GLRX3: variants seen among roughly 807,000 people sequenced by gnomAD.
GLRX3 encodes glutaredoxin-3.
In GLRX3, 22 loss-of-function variants were observed where a neutral mutation model predicts 49.5. The ratio of observed to expected loss-of-function variants is 0.44; its 90% confidence interval spans 0.32 to 0.63. GLRX3 has a LOEUF of 0.63. Ranked by LOEUF, GLRX3 falls within the 30% of genes least tolerant of loss-of-function variation. The pLI, the probability that GLRX3 is intolerant of heterozygous loss-of-function variation, is 0.05. For missense variants in GLRX3, 385 were observed against 396.3 expected (o/e 0.97, Z 0.24); for synonymous variants, 133 against 140.0 (o/e 0.95, Z 0.35).
rs145499745 is a variant in GLRX3 at position 130,155,858 on chromosome 10, C to T, written c.202-4137C>T. On this transcript the variant is annotated intron_variant, in intron 2 of 10. Coordinates refer to ENST00000331244, the MANE Select transcript of GLRX3 (RefSeq NM_006541.5). ...CAGGGGCTGCCAGAGATGACAGAAA[C>T]GGACACTGAGTTTGAGCATTTAGGG... Among the ~76,000 whole-genome samples the T allele has an allele frequency of 3.1e-3, 470 of 152,228 alleles. 3 individuals carry two copies. Among genetic ancestry groups the T allele is most frequent in the African/African-American group, 9.8e-3 (407 of 41,520 alleles).
intron 4 of GLRX3, among the ~76,000 whole-genome samples, chr10:130,164,751 CCAAT>C (rs1382242107): frequency 6.6e-6 from 1 of 152,224 alleles, no homozygotes; most frequent in African/African-American, 2.4e-5. Context: ...TGAAACACTA[CCAAT>C]CAATCTTTCT....
At chr10:130,153,671 C>T (rs1056685770) in intron 2 of GLRX3, among the ~76,000 whole-genome samples, 6 of 152,160 alleles carry the variant, frequency 3.9e-5, no homozygotes, top group Admixed American at 2.0e-4. Context: ...CCTCTGGAAG[C>T]TTCGTTCCAG....
chr10:130,176,200 G>T (rs1056705924), intron 10 of GLRX3, among the ~76,000 whole-genome samples: 1 of 150,500 alleles, frequency 6.6e-6, no homozygotes, highest in Admixed American at 6.6e-5. Context: ...GCTCACTGCA[G>T]CCTCTGCCTC....
intron 10 of GLRX3, among the ~76,000 whole-genome samples, chr10:130,176,152 G>T (rs1029109809): frequency 6.9e-6 from 1 of 145,868 alleles, no homozygotes; most frequent in Non-Finnish European, 1.5e-5. Context: ...AGAGAGTTTC[G>T]CTCTTGTTCC....
chr10:130,160,354 T>C (rs994799569), intron 3 of GLRX3, among the ~76,000 whole-genome samples: 1 of 151,246 alleles, frequency 6.6e-6, no homozygotes, highest in Admixed American at 6.6e-5. Flanking sequence ...ACCCCAGTGT[T>C]CCCTGAGTTG....
intron 2 of GLRX3, among the ~76,000 whole-genome samples, chr10:130,155,012 C>T (rs896655628): frequency 1.3e-5 from 2 of 151,938 alleles, no homozygotes; most frequent in African/African-American, 2.4e-5. Flanking sequence ...CGCTCTGTCA[C>T]CCAGGCCAGG....
Position 130,139,290 on chromosome 10 carries a change from G to C in GLRX3, c.92+2778G>C, listed in dbSNP as rs575130682. ...CAAACGGACACGTGATAAATGATGT[G>C]TGGCATCTGGGGAAGGAGCACATTT... is the stretch of plus-strand genomic sequence containing the variant. On this transcript the variant is annotated intron_variant, in intron 1 of 10. Transcript: ENST00000331244. Among the ~76,000 whole-genome samples the C allele has an allele frequency of 2.0e-5, 3 of 152,190 alleles. No homozygotes were observed. In the East Asian group the frequency reaches 5.8e-4, roughly 29 times the overall value.
intron 2 of GLRX3, among the ~76,000 whole-genome samples, chr10:130,146,823 A>G (rs1161780263): frequency 6.6e-6 from 1 of 152,242 alleles, no homozygotes; most frequent in African/African-American, 2.4e-5. Flanking sequence ...ATGTAAACTG[A>G]AAACACAGAA....
chr10:130,166,329 G>A (rs918595765), intron 4 of GLRX3, among the ~76,000 whole-genome samples, 178 bp from the exon 5 acceptor site: 7 of 151,754 alleles, frequency 4.6e-5, no homozygotes, highest in South Asian at 2.1e-4. Context: ...GTCAAATAAG[G>A]GGATCCAGGA....
At chr10:130,165,445 A>G (rs1490556485) in intron 4 of GLRX3, among the ~76,000 whole-genome samples, 1 of 152,244 alleles carries the variant, frequency 6.6e-6, no homozygotes, top group African/African-American at 2.4e-5. Context: ...TCACAAAAGT[A>G]TAATAAAATC....
intron 6 of GLRX3, among the ~76,000 whole-genome samples, chr10:130,167,191 G>C (rs1222694723): frequency 1.3e-5 from 2 of 152,148 alleles, no homozygotes; most frequent in African/African-American, 4.8e-5. Flanking sequence ...TCATGTGGAG[G>C]ATCTGCTTTG....
chr10:130,136,807 C>T (rs1400665488), intron 1 of GLRX3, among the ~76,000 whole-genome samples: 5 of 152,100 alleles, frequency 3.3e-5, no homozygotes, highest in Non-Finnish European at 5.9e-5. Flanking sequence ...ACGCGACCTT[C>T]CCGGCCTCTG....
intron 4 of GLRX3, among the ~76,000 whole-genome samples, chr10:130,163,033 G>A (rs1320855223): frequency 2.0e-5 from 3 of 152,098 alleles, no homozygotes; most frequent in African/African-American, 7.2e-5. Flanking sequence ...TATACTGCTA[G>A]CATTTTTATA....
chr10:130,155,128 T>G (rs1465301822), intron 2 of GLRX3, among the ~76,000 whole-genome samples: 1 of 152,074 alleles, frequency 6.6e-6, no homozygotes, highest in Non-Finnish European at 1.5e-5. Context: ...TGAGCTACTG[T>G]GCCAGCAGGG....
intron 1 of GLRX3, among the ~76,000 whole-genome samples, chr10:130,140,415 A>G (rs577078235): frequency 6.6e-6 from 1 of 152,352 alleles, no homozygotes; most frequent in Admixed American, 6.5e-5. Flanking sequence ...CAGATATAGT[A>G]TGTCCTTATA....
chr10:130,145,747 T>C (rs1312853447), intron 2 of GLRX3, among the ~76,000 whole-genome samples: 1 of 152,164 alleles, frequency 6.6e-6, no homozygotes, highest in Non-Finnish European at 1.5e-5. Context: ...ATATGTATAA[T>C]TGGTGTGGGA....
intron 2 of GLRX3, 101 bp downstream of exon 2, chr10:130,145,420 T>C (rs922516227): frequency 1.7e-6 from 1 of 601,474 alleles, no homozygotes; most frequent in East Asian, 2.8e-5. Context: ...CCCAGCACTT[T>C]GGGAGGCTGA....
chr10:130,174,867 T>C lies in GLRX3; in HGVS notation c.825T>C (p.Gly275=). ...KQILEILNST[G]VEYETFDILE... is the part of the protein sequence containing the mutation. ...TTAAAATGTCTTCTCTTTTTTGCAG[T>C]GTTGAATATGAAACATTCGATATAT... Residue 275 remains glycine (G), a splice_region_variant and synonymous_variant, in exon 9 of 11, where the codon GGT becomes GGC. Coordinates refer to ENST00000331244, the MANE Select transcript of GLRX3 (RefSeq NM_006541.5). 6.4e-7 allele frequency: 1 copy of C among 1,570,786 alleles called. No homozygotes were observed. Among genetic ancestry groups the C allele is most frequent in the Non-Finnish European group, 8.8e-7 (1 of 1,140,634 alleles).
Position 130,166,656 on chromosome 10 carries a change from A to G in GLRX3, c.628A>G (p.Ile210Val), listed in dbSNP as rs1446287376. 6.2e-7 allele frequency: 1 copy of G among 1,609,122 alleles called. No individual in the cohort carries two copies. Among genetic ancestry groups the G allele is most frequent in the East Asian group, 2.2e-5 (1 of 44,840 alleles). The change falls in exon 5 of 11, where the codon ATA becomes GTA. Residue 210 changes from isoleucine (I) to valine (V), a missense_variant. Ile to Val is a conservative substitution (Grantham distance 29). Coordinates refer to ENST00000331244, the MANE Select transcript of GLRX3 (RefSeq NM_006541.5). Reference protein sequence around the residue: ...YPQLYVSGELIGGLDIIKELE... With the variant: ...YPQLYVSGELVGGLDIIKELE... ...TCAGCTCTATGTTTCTGGAGAGCTC[A>G]TAGGAGGACTTGATATAATTAAGGT...
Sources: allele counts gnomAD v4.1 joint callset (sites outside exome capture counted in the v4.1 genomes callset), GRCh38; gene constraint gnomAD v4.1.1; transcripts MANE v1.5; gene names NCBI Gene and HGNC (gene_info 2026-07-23, HGNC 2026-07-21).